ABLIM3: variants seen among roughly 807,000 people sequenced by gnomAD.
The protein encoded by ABLIM3 is actin-binding LIM protein 3.
Under a neutral mutation model 109.5 loss-of-function variants are expected in ABLIM3, and 61 were observed. The observed-to-expected ratio is 0.56, with a 90% CI of 0.45 to 0.69. The LOEUF (loss-of-function observed/expected upper bound fraction) is 0.69, where lower values mean the gene tolerates loss of function less well. Among genes scored for constraint, ABLIM3 ranks in the 30% least tolerant of loss-of-function variants. The pLI, the probability that ABLIM3 is intolerant of heterozygous loss-of-function variation, is 0.00. For synonymous variants in ABLIM3, 300 were observed against 324.8 expected (o/e 0.92, Z 0.82); for missense variants, 796 against 889.5 (o/e 0.89, Z 1.34).
intron 2 of ABLIM3, among the ~76,000 whole-genome samples, chr5:149,158,441 TA>T (rs1427150726): frequency 6.6e-6 from 1 of 152,180 alleles, no homozygotes; most frequent in Non-Finnish European, 1.5e-5. Context: ...TTTTTTATGT[TA>T]AAAAAGGAAT....
Position 149,249,822 on chromosome 5 carries a change from G to A in ABLIM3, c.1707G>A (p.Arg569=). ...GYEMSLNGSP[R]SHYLADSDPL... is the part of the protein sequence containing the mutation. The stretch of plus-strand genomic sequence containing the variant: ...AGCTTTTCTCTCCTGCAGCCCCTCG[G>A]TCGCACTACCTGGCTGACAGTGGTA... Residue 569 remains arginine (R), a synonymous_variant, in exon 19 of 24, where the codon CGG becomes CGA. Transcript: ENST00000309868. 6.2e-7 allele frequency: 1 copy of A among 1,614,126 alleles called. No individual in the cohort carries two copies. The highest frequency in any genetic ancestry group is 8.5e-7 in the Non-Finnish European group (1 of 1,180,022).
In ABLIM3 at chr5:149,258,296, C is replaced by T. The variant is rs760845863; in HGVS notation, c.1944C>T (p.His648=). ...GCCTGCCCTGCCTCCTTCAGCGCCA[C>T]CTGTCCCAGGAAGAGTTCTACCAAG... ...KDVDRTRLER[H]LSQEEFYQVF... Residue 648 remains histidine, a synonymous_variant, in exon 24 of 24, where the codon CAC becomes CAT. Coordinates refer to ENST00000309868, the MANE Select transcript of ABLIM3 (RefSeq NM_014945.5). The T allele has an allele frequency of 1.4e-5, 23 of 1,613,586 alleles. No homozygotes were observed. The highest frequency in any genetic ancestry group is 1.9e-5 in the Non-Finnish European group (23 of 1,179,868).
intron 16 of ABLIM3, among the ~76,000 whole-genome samples, chr5:149,245,930 A>G (rs1668245253): frequency 6.6e-6 from 1 of 152,232 alleles, no homozygotes; most frequent in African/African-American, 2.4e-5. Context: ...TGGGAGGCCA[A>G]GTTGGGAAGA....
chr5:149,202,138 T>C (rs564099355), intron 5 of ABLIM3, among the ~76,000 whole-genome samples: 6 of 152,302 alleles, frequency 3.9e-5, no homozygotes, highest in African/African-American at 1.4e-4. Context: ...CTAGTTTGGA[T>C]TGTGTGTTAC....
At chr5:149,191,136 G>A (rs138907120) in intron 3 of ABLIM3, among the ~76,000 whole-genome samples, 2,083 of 152,222 alleles carry the variant, frequency 0.014, 25 homozygotes, top group Middle Eastern at 0.02. Flanking sequence ...GACAGGATTA[G>A]CAAAAGTTGA....
At position 149,183,971 on chromosome 5, in the gene ABLIM3, GTTT is replaced by G. The variant is rs11407929; in HGVS notation, c.151+393_151+395del. Among the ~76,000 whole-genome samples, 1,799 of 144,704 alleles carry G rather than the reference GTTT, an allele frequency of 0.012. 80 individuals are homozygous for G. In the East Asian group the frequency reaches 0.15, roughly 12 times the overall value. The allele number at this position is 144,704 out of a possible 152,430, so 94.9% of individuals were successfully genotyped here. A position where few individuals can be genotyped will look rare whatever the true frequency, so the allele number is the denominator to read the frequency against. ...TTTTTTGTTTGTTTTTTGTTTTTTG[GTTT>G]TTTTTTTTTTGAGATGAGTAGCTAT... is the stretch of plus-strand genomic sequence containing the variant. On this transcript the variant is annotated intron_variant, in intron 3 of 23. Coordinates refer to ENST00000309868, the MANE Select transcript of ABLIM3 (RefSeq NM_014945.5).
chr5:149,158,928 T>C (rs1261586756), intron 2 of ABLIM3, among the ~76,000 whole-genome samples: 1 of 152,136 alleles, frequency 6.6e-6, no homozygotes, highest in Non-Finnish European at 1.5e-5. Flanking sequence ...AAAATTCTGG[T>C]GAAAATGTAA....
chr5:149,217,237 G>T, intron 8 of ABLIM3, 191 bp downstream of exon 8: 1 of 617,096 alleles, frequency 1.6e-6, no homozygotes. Context: ...CTAATATGAA[G>T]TGACATGTAA....
chr5:149,173,444 C>G (rs1015430593), intron 2 of ABLIM3, among the ~76,000 whole-genome samples: 1 of 152,146 alleles, frequency 6.6e-6, no homozygotes, highest in Admixed American at 6.5e-5. Flanking sequence ...TGGAACTTCC[C>G]CAATGTTTCC....
chr5:149,175,347 G>C (rs756578332), intron 2 of ABLIM3, among the ~76,000 whole-genome samples: 5 of 152,158 alleles, frequency 3.3e-5, no homozygotes, highest in Non-Finnish European at 7.4e-5. Flanking sequence ...TGGCTTCCTA[G>C]CTTTTGAATT....
chr5:149,209,147 G>A (rs1259612681), intron 6 of ABLIM3, among the ~76,000 whole-genome samples: 1 of 152,158 alleles, frequency 6.6e-6, no homozygotes. Context: ...CAAGCAAGGA[G>A]TGCCCTTAGT....
intron 10 of ABLIM3, among the ~76,000 whole-genome samples, chr5:149,234,011 T>G (rs1762115142): frequency 6.6e-6 from 1 of 152,216 alleles, no homozygotes. Flanking sequence ...CTAAGCACAG[T>G]GCTCTGCTCT....
Position 149,259,486 on chromosome 5 carries a change from A to AACCAT in ABLIM3, c.*1091_*1095dup. The stretch of plus-strand genomic sequence containing the variant: ...CCTCTGGTCTGTGGGCTGGCAGGGC[A>AACCAT]ACCATACCATACCCCCGCCAGTCCT... On this transcript the variant is annotated 3_prime_UTR_variant, in exon 24 of 24. Coordinates refer to ENST00000309868, the MANE Select transcript of ABLIM3 (RefSeq NM_014945.5). The AACCAT allele has an allele frequency of 6.5e-7, 1 of 1,536,038 alleles. No homozygotes were observed. Among genetic ancestry groups the AACCAT allele is most frequent in the Non-Finnish European group, 8.7e-7 (1 of 1,146,890 alleles).
chr5:149,233,524 G>A (rs1762067714), intron 10 of ABLIM3, among the ~76,000 whole-genome samples: 1 of 152,190 alleles, frequency 6.6e-6, no homozygotes, highest in Non-Finnish European at 1.5e-5. Context: ...CAGAGTTTCA[G>A]GGATAATGCA....
chr5:149,209,710 G>C (rs1305493947), intron 6 of ABLIM3, among the ~76,000 whole-genome samples: 1 of 152,184 alleles, frequency 6.6e-6, no homozygotes, highest in African/African-American at 2.4e-5. Flanking sequence ...GATTGAGCGG[G>C]GGAGGAGGGA....
Position 149,240,750 on chromosome 5 carries a change from G to A in ABLIM3, c.1279G>A (p.Ala427Thr), listed in dbSNP as rs1322164529. 3 of 1,613,962 alleles carry A rather than the reference G, an allele frequency of 1.9e-6. No individual in the cohort carries two copies. The African/African-American group carries it at 4.0e-5, about 22-fold the overall frequency. ...VRSSTPTSYQ[A>T]PKHFHIPAGD... Reference sequence around the variant, plus strand: ...GTCCTCCACTCCAACCTCTTACCAGGCTCCCAAGCACTTTCACATCCCAGG... The same window carrying A: ...GTCCTCCACTCCAACCTCTTACCAGACTCCCAAGCACTTTCACATCCCAGG... Residue 427 changes from alanine to threonine, a missense_variant, in exon 14 of 24, where the codon GCT becomes ACT. By Grantham distance (58) the Ala-to-Thr change is moderately conservative. Coordinates refer to ENST00000309868, the MANE Select transcript of ABLIM3 (RefSeq NM_014945.5).
intron 23 of ABLIM3, among the ~76,000 whole-genome samples, chr5:149,254,927 A>G (rs1227745376): frequency 6.6e-6 from 1 of 152,204 alleles, no homozygotes; most frequent in Non-Finnish European, 1.5e-5. Context: ...GATGGCTAAA[A>G]TGTAGCCTGA....
intron 3 of ABLIM3, among the ~76,000 whole-genome samples, chr5:149,197,047 G>C (rs1758046304): frequency 6.6e-6 from 1 of 152,150 alleles, no homozygotes; most frequent in African/African-American, 2.4e-5. Flanking sequence ...TTTTGCAGCT[G>C]AGTGATGGAG....
Position 149,241,559 on chromosome 5 carries a change from G to A in ABLIM3, c.1303+785G>A, listed in dbSNP as rs528928179. On this transcript the variant is annotated intron_variant, in intron 14 of 23. Transcript: ENST00000309868. ...GTGGGTCATGAGATCAGGAGTTCGA[G>A]ACCAACCTGTCCAACATGGTGAAAC... Among the ~76,000 whole-genome samples the A allele has an allele frequency of 5.3e-5, 8 of 152,280 alleles. No homozygotes were observed. The East Asian group carries it at 7.7e-4, about 15-fold the overall frequency.
Sources: allele counts gnomAD v4.1 joint callset (sites outside exome capture counted in the v4.1 genomes callset), GRCh38; gene constraint gnomAD v4.1.1; transcripts MANE v1.5; gene names NCBI Gene and HGNC (gene_info 2026-07-23, HGNC 2026-07-21).